The following RFX7 variants were observed in gnomAD, a reference collection of about 807,000 sequenced individuals.
RFX7 encodes the protein regulatory factor X7.
RFX7 carries 26 observed loss-of-function variants against 111.8 expected under a neutral mutation model. The ratio of observed to expected loss-of-function variants is 0.23; its 90% CI spans 0.17 to 0.32. The LOEUF (loss-of-function observed/expected upper bound fraction) is 0.32. Among genes scored for constraint, RFX7 ranks in the 10% least tolerant of loss-of-function variants. The pLI is 1.00. For synonymous variants in RFX7, 624 were observed against 624.4 expected (o/e 1.00, Z 0.01); for missense variants, 1,573 against 1,772.9 (o/e 0.89, Z 2.02).
intron 2 of RFX7, among the ~76,000 whole-genome samples, chr15:56,229,676 G>C (rs1442698186): frequency 6.6e-6 from 1 of 152,192 alleles, no homozygotes. Flanking sequence ...AGCAATTCTG[G>C]GTTGGGGGAG....
At chr15:56,197,442 T>C (rs946875741) in intron 2 of RFX7, among the ~76,000 whole-genome samples, 4 of 152,198 alleles carry the variant, frequency 2.6e-5, no homozygotes, top group Admixed American at 2.0e-4. Flanking sequence ...CCCAAAGTTA[T>C]TTTATTTTCT....
chr15:56,101,709 T>C (rs1473869729), intron 7 of RFX7, 143 bp from the exon 8 acceptor site: 3 of 745,054 alleles, frequency 4.0e-6, no homozygotes, highest in Admixed American at 2.8e-5. Flanking sequence ...CTGGCAGACA[T>C]ATAAGAGCTT....
intron 3 of RFX7, among the ~76,000 whole-genome samples, chr15:56,154,972 G>C (rs1218202030): frequency 1.3e-5 from 2 of 152,290 alleles, no homozygotes; most frequent in East Asian, 3.9e-4. Context: ...CAAAGGGTAT[G>C]AACAGACACT....
At chr15:56,164,573 C>A (rs2042761979) in intron 3 of RFX7, among the ~76,000 whole-genome samples, 1 of 152,170 alleles carries the variant, frequency 6.6e-6, no homozygotes. Context: ...TCAGGTACTA[C>A]TGAAATTCCA....
At chr15:56,243,040 G>A (rs1233695097) in intron 2 of RFX7, 85 bp downstream of exon 2, 5 of 570,604 alleles carry the variant, frequency 8.8e-6, no homozygotes, top group South Asian at 1.5e-5. Flanking sequence ...CTCCTCCTCC[G>A]CTCCCCCCGC....
chr15:56,232,812 T>C (rs1455421975), intron 2 of RFX7, among the ~76,000 whole-genome samples: 2 of 152,172 alleles, frequency 1.3e-5, no homozygotes, highest in Non-Finnish European at 2.9e-5. Context: ...TGCTAAAGCA[T>C]AGCAAGAACC....
chr15:56,093,186 G>C lies in RFX7; in HGVS notation c.*159C>G, dbSNP rs2041618937. ...TCTTTAGACACTTGTTAAGAACTGA[G>C]GCAAGTCTAACCATTTCCTACTGAA... On this transcript the variant is annotated 3_prime_UTR_variant, in exon 10 of 10. Transcript: ENST00000559447. 2 of 624,676 alleles carry C rather than the reference G, an allele frequency of 3.2e-6. No homozygotes were observed. The highest frequency in any genetic ancestry group is 5.4e-6 in the Non-Finnish European group (2 of 370,510). The allele number at this position is 624,676 out of a possible 1,614,324, so 38.7% of individuals were successfully genotyped here.
intron 5 of RFX7, among the ~76,000 whole-genome samples, chr15:56,140,424 C>A (rs1470267350): frequency 2.0e-5 from 3 of 152,030 alleles, no homozygotes; most frequent in African/African-American, 7.2e-5. Flanking sequence ...AAAGGGAACT[C>A]CCTGACCCCT....
At chr15:56,194,296 T>C (rs1163375253) in intron 2 of RFX7, among the ~76,000 whole-genome samples, 1 of 152,144 alleles carries the variant, frequency 6.6e-6, no homozygotes, top group East Asian at 1.9e-4. Flanking sequence ...TTCAAATTTC[T>C]TGTGTTATAG....
intron 5 of RFX7, among the ~76,000 whole-genome samples, chr15:56,118,989 T>C (rs1423405602): frequency 1.3e-5 from 2 of 152,268 alleles, no homozygotes; most frequent in African/African-American, 4.8e-5. Flanking sequence ...TCTGTATGTC[T>C]TCTGAGAAAT....
intron 2 of RFX7, among the ~76,000 whole-genome samples, chr15:56,206,581 G>C (rs2043254472): frequency 6.6e-6 from 1 of 152,140 alleles, no homozygotes; most frequent in South Asian, 2.1e-4. Context: ...ATTAACAATG[G>C]TCAAGATATG....
At chr15:56,180,750 CAAAAAAA>C in intron 2 of RFX7, among the ~76,000 whole-genome samples, 1 of 65,576 alleles carries the variant, frequency 1.5e-5, no homozygotes, top group African/African-American at 6.0e-5. Flanking sequence ...TACTAAAATA[CAAAAAAA>C]AAAAAAAAAA....
intron 3 of RFX7, among the ~76,000 whole-genome samples, chr15:56,166,421 G>C (rs1432508537): frequency 6.6e-6 from 1 of 152,142 alleles, no homozygotes; most frequent in Admixed American, 6.5e-5. Context: ...CCAAACATTA[G>C]AATTAGTTGG....
chr15:56,241,961 T>C (rs779034466), intron 2 of RFX7, among the ~76,000 whole-genome samples: 6 of 152,212 alleles, frequency 3.9e-5, no homozygotes, highest in Non-Finnish European at 8.8e-5. Flanking sequence ...TAATGAAAAT[T>C]ACTATATAAC....
chr15:56,094,318 G>C lies in RFX7; in HGVS notation c.3410C>G (p.Thr1137Ser). 6.2e-7 allele frequency: 1 copy of C among 1,613,952 alleles called. No individual in the cohort carries two copies. Among genetic ancestry groups the C allele is most frequent in the African/African-American group, 1.3e-5 (1 of 75,022 alleles). Reference sequence around the variant, plus strand: ...GACTGCAAAACCCTCCTGTTTGTTGGTGTTATTTACAGTGGCACCTTGATG... The same window carrying C: ...GACTGCAAAACCCTCCTGTTTGTTGCTGTTATTTACAGTGGCACCTTGATG... ...VQHQGATVNN[T>S]NKQEGFAVPA... Residue 1137 changes from threonine (T) to serine (S), a missense_variant, in exon 10 of 10, where the codon ACC (threonine) becomes AGC (serine). This residue lies in a region of RFX7 where 411 missense variants were observed against 478.1 expected (regional missense o/e 0.86). Transcript: ENST00000559447.
chr15:56,143,423 G>A (rs187540616), intron 4 of RFX7, among the ~76,000 whole-genome samples: 1 of 151,728 alleles, frequency 6.6e-6, no homozygotes, highest in Admixed American at 6.6e-5. Flanking sequence ...AGCATTCTGT[G>A]CTCCAGAATG....
chr15:56,202,268 T>C (rs1163993272), intron 2 of RFX7, among the ~76,000 whole-genome samples: 4 of 152,156 alleles, frequency 2.6e-5, no homozygotes, highest in African/African-American at 9.7e-5. Flanking sequence ...AAAACAGATA[T>C]TACATTTAGT....
chr15:56,209,207 A>G lies in RFX7; in HGVS notation c.162-29904T>C, dbSNP rs76918962. ...GAGGAAAAACATACCATACCTATAC[A>G]GGAGCCAAGATAAGAATTATATCTG... On this transcript the variant is annotated intron_variant, in intron 2 of 9. Transcript: ENST00000559447. Among the ~76,000 whole-genome samples, 733 of 152,100 alleles carry G rather than the reference A, an allele frequency of 4.8e-3. 11 individuals are homozygous for G. Among genetic ancestry groups the G allele is most frequent in the African/African-American group, 0.017 (712 of 41,520 alleles).
chr15:56,111,128 C>G (rs1371224515), intron 5 of RFX7, among the ~76,000 whole-genome samples: 1 of 140,602 alleles, frequency 7.1e-6, no homozygotes. Context: ...TGCCCGGCCA[C>G]CACCCCGTCT....
Sources: gnomAD v4.1 joint callset for allele counts (sites outside exome capture counted in the v4.1 genomes callset) on GRCh38, gnomAD v4.1.1 for gene constraint, gnomAD v4.1.1 regional missense constraint, MANE v1.5 for transcripts, NCBI Gene and HGNC (gene_info 2026-07-23, HGNC 2026-07-21) for gene names.